SLC35F1: variants seen among roughly 807,000 people sequenced by gnomAD.
The protein encoded by SLC35F1 is chromosome 6 open reading frame 169.
Under a neutral mutation model 48.7 loss-of-function variants are expected in SLC35F1, and 14 were observed. The ratio of observed to expected loss-of-function variants is 0.29; its 90% CI spans 0.19 to 0.45. The LOEUF (loss-of-function observed/expected upper bound fraction) is 0.45, where lower values mean the gene tolerates loss of function less well. SLC35F1 is among the 20% of genes least tolerant of loss of function. The pLI is 1.00. For missense variants in SLC35F1, 404 were observed against 500.0 expected (o/e 0.81, Z 1.83); for synonymous variants, 190 against 202.2 (o/e 0.94, Z 0.51).
intron 1 of SLC35F1, among the ~76,000 whole-genome samples, chr6:118,079,477 T>G (rs1435226837): frequency 6.6e-6 from 1 of 152,190 alleles, no homozygotes; most frequent in Non-Finnish European, 1.5e-5. Flanking sequence ...GGTGCACAAT[T>G]ATCTGCTTGA....
intron 1 of SLC35F1, among the ~76,000 whole-genome samples, chr6:117,982,993 C>T (rs377149858): frequency 3.9e-5 from 6 of 152,248 alleles, no homozygotes; most frequent in East Asian, 1.9e-4. Flanking sequence ...CTTCATTATC[C>T]AGCATCATTC....
At chr6:118,261,354 T>C (rs1017513811) in intron 3 of SLC35F1, among the ~76,000 whole-genome samples, 1 of 152,176 alleles carries the variant, frequency 6.6e-6, no homozygotes, top group Admixed American at 6.5e-5. Context: ...TACTGCAAAA[T>C]GGCCAACTAT....
chr6:118,080,573 G>A (rs1562283763), intron 1 of SLC35F1, among the ~76,000 whole-genome samples: 1 of 152,224 alleles, frequency 6.6e-6, no homozygotes, highest in East Asian at 1.9e-4. Flanking sequence ...CTACTATTCT[G>A]TGTGATTATT....
chr6:118,239,653 A>G (rs1197117548), intron 3 of SLC35F1, among the ~76,000 whole-genome samples: 4 of 152,072 alleles, frequency 2.6e-5, no homozygotes, highest in Non-Finnish European at 5.9e-5. Context: ...GTTCAAACCT[A>G]TGTTCTATAC....
chr6:117,956,914 A>C (rs1008070348), intron 1 of SLC35F1, among the ~76,000 whole-genome samples: 3 of 152,222 alleles, frequency 2.0e-5, no homozygotes, highest in Admixed American at 6.5e-5. Context: ...AACTCTTACC[A>C]TCAAAATGAA....
intron 1 of SLC35F1, among the ~76,000 whole-genome samples, chr6:118,008,071 T>C (rs1777197401): frequency 6.6e-6 from 1 of 152,140 alleles, no homozygotes; most frequent in South Asian, 2.1e-4. Flanking sequence ...CCAGTGCATA[T>C]CTCTGACTTT....
intron 7 of SLC35F1, among the ~76,000 whole-genome samples, chr6:118,306,163 G>T (rs1187255368): frequency 6.6e-6 from 1 of 151,890 alleles, no homozygotes; most frequent in East Asian, 1.9e-4. Flanking sequence ...AGCATGAGGA[G>T]CCCAAAATGG....
At chr6:118,055,077 C>T (rs926540286) in intron 1 of SLC35F1, among the ~76,000 whole-genome samples, 4 of 152,038 alleles carry the variant, frequency 2.6e-5, no homozygotes, top group African/African-American at 9.7e-5. Context: ...GCCCATCCTC[C>T]CATTCTTTTC....
intron 1 of SLC35F1, among the ~76,000 whole-genome samples, chr6:118,098,873 G>A (rs896168947): frequency 1.2e-4 from 18 of 152,176 alleles, no homozygotes; most frequent in Admixed American, 3.3e-4. Context: ...AGGAGAAGCA[G>A]AGGGGAGTTC....
intron 1 of SLC35F1, among the ~76,000 whole-genome samples, chr6:118,136,005 G>A (rs1192782573): frequency 6.6e-6 from 1 of 152,158 alleles, no homozygotes; most frequent in African/African-American, 2.4e-5. Flanking sequence ...ACATGTAAGA[G>A]CCCAAACTCT....
intron 2 of SLC35F1, among the ~76,000 whole-genome samples, chr6:118,191,992 A>G (rs1774739246): frequency 6.6e-6 from 1 of 152,182 alleles, no homozygotes. Context: ...CTTTTCCATT[A>G]TGAGTCATGG....
chr6:118,285,098 G>T, intron 6 of SLC35F1, 86 bp from the exon 7 acceptor site: 1 of 1,427,978 alleles, frequency 7.0e-7, no homozygotes, highest in Non-Finnish European at 9.7e-7. Flanking sequence ...CAAGTGGTGT[G>T]CACTCTTCCC....
chr6:117,927,557 A>G (rs998646322), intron 1 of SLC35F1, among the ~76,000 whole-genome samples: 4 of 152,184 alleles, frequency 2.6e-5, no homozygotes, highest in African/African-American at 9.7e-5. Flanking sequence ...GGGGCTTCAA[A>G]AGACCTGTGC....
intron 2 of SLC35F1, among the ~76,000 whole-genome samples, chr6:118,168,760 T>G (rs1481093879): frequency 3.3e-5 from 5 of 152,326 alleles, no homozygotes; most frequent in Admixed American, 2.6e-4. Context: ...GAATATACTT[T>G]CAGCCCTTGC....
chr6:118,267,193 G>A (rs552790301), intron 4 of SLC35F1, 39 bp downstream of exon 4: 66 of 1,609,456 alleles, frequency 4.1e-5, no homozygotes, highest in South Asian at 2.0e-4. Flanking sequence ...TTACCTCTGC[G>A]GGTGAGGCCA....
intron 1 of SLC35F1, among the ~76,000 whole-genome samples, chr6:117,927,343 C>A (rs1327441460): frequency 1.3e-5 from 2 of 152,122 alleles, no homozygotes; most frequent in Non-Finnish European, 2.9e-5. Context: ...TCCTTTTATT[C>A]TTTGGGAGTG....
rs546595366 is a variant in SLC35F1, at chr6:118,036,025, A to G, written c.174-118420A>G. Among the ~76,000 whole-genome samples, 40 of 152,114 alleles carry G rather than the reference A, an allele frequency of 2.6e-4. 1 individual carries two copies. In the South Asian group the frequency reaches 8.1e-3, roughly 31 times the overall value. On this transcript the variant is annotated intron_variant, in intron 1 of 7. Coordinates refer to ENST00000360388, the MANE Select transcript of SLC35F1 (RefSeq NM_001029858.4). The stretch of plus-strand genomic sequence containing the variant: ...GTTAATTTTTTAAAATTATTTTTCT[A>G]TCATTTATCCCATTTATTTCTGCTG...
chr6:117,989,395 A>G (rs1215172239), intron 1 of SLC35F1, among the ~76,000 whole-genome samples: 1 of 152,158 alleles, frequency 6.6e-6, no homozygotes. Flanking sequence ...CCTGTCAGAT[A>G]ATTTGGGATT....
chr6:118,262,736 G>A (rs556395724), intron 3 of SLC35F1, among the ~76,000 whole-genome samples: 80 of 152,192 alleles, frequency 5.3e-4, no homozygotes, highest in African/African-American at 1.9e-3. Context: ...TAACATAATC[G>A]TTTTTACAAA....
Sources: allele counts gnomAD v4.1 joint callset (sites outside exome capture counted in the v4.1 genomes callset), GRCh38; gene constraint gnomAD v4.1.1; transcripts MANE v1.5; gene names NCBI Gene and HGNC (gene_info 2026-07-23, HGNC 2026-07-21).